The following DDO variants were observed in gnomAD, a reference collection of about 807,000 sequenced individuals.
The protein encoded by DDO is D-aspartate oxidase, DDO.
A neutral mutation model predicts 16.8 loss-of-function variants in DDO; 16 were observed. The ratio of observed to expected loss-of-function variants is 0.95; its 90% CI spans 0.65 to 1.45. The LOEUF is 1.45. DDO is among the 40% of genes most tolerant of loss of function. The probability of loss-of-function intolerance (pLI) is 0.00; values close to 1 mark genes in which losing one functional copy is unlikely to be tolerated. For synonymous variants in DDO, 180 were observed against 167.2 expected, an observed-to-expected ratio of 1.08 and a Z score of -0.59; for missense variants, 429 against 420.3, an observed-to-expected ratio of 1.02 and a Z score of -0.18.
rs1194679706 is a variant in DDO, at chr6:110,396,041, AAGAG to A, written c.459-2703_459-2700del. Reference sequence around the variant, plus strand: ...AAGACACCAACTCAAAAAAGAAAGAAAGAGAGAAAGAGAGAGAATGCCTCACGTT... The same window carrying A: ...AAGACACCAACTCAAAAAAGAAAGAAAGAAAGAGAGAGAATGCCTCACGTT... On this transcript the variant is annotated intron_variant, in intron 4 of 4. Transcript: ENST00000368924. Among the ~76,000 whole-genome samples, 23 of 152,310 alleles carry A rather than the reference AAGAG, an allele frequency of 1.5e-4. 1 individual carries two copies. The Middle Eastern group carries it at 0.024, about 159-fold the overall frequency.
intron 1 of DDO, among the ~76,000 whole-genome samples, chr6:110,415,260 A>G (rs1458514138): frequency 6.6e-6 from 1 of 152,216 alleles, no homozygotes; most frequent in Non-Finnish European, 1.5e-5. Context: ...AACTCTCTCA[A>G]AACAGCTCTA....
intron 2 of DDO, 25 bp from the exon 3 acceptor site, chr6:110,408,467 T>C (rs772068808): frequency 3.1e-6 from 5 of 1,600,946 alleles, no homozygotes; most frequent in South Asian, 1.1e-5. Context: ...AAAAGCAAAG[T>C]GGAACAGAAA....
chr6:110,396,053 G>A (rs1053954297), intron 4 of DDO, among the ~76,000 whole-genome samples: 1 of 152,178 alleles, frequency 6.6e-6, no homozygotes, highest in African/African-American at 2.4e-5. Flanking sequence ...GAGAGAAAGA[G>A]AGAGAATGCC....
chr6:110,399,378 T>TC (rs1773396942), intron 4 of DDO, among the ~76,000 whole-genome samples: 1 of 152,224 alleles, frequency 6.6e-6, no homozygotes, highest in Non-Finnish European at 1.5e-5. Flanking sequence ...GGCTGAACAC[T>TC]CACATTGTGT....
At position 110,406,140 on chromosome 6, in the gene DDO, A is replaced by G. The variant is rs78322414; in HGVS notation, c.282-1190T>C. The stretch of plus-strand genomic sequence containing the variant: ...ATGACCTACAGGCCAGACACTTAGA[A>G]GGCTACATTTCCAGTCCTGAGCACT... On this transcript the variant is annotated intron_variant, in intron 3 of 4. Coordinates refer to ENST00000368924, the MANE Select transcript of DDO (RefSeq NM_001372108.2). Among the ~76,000 whole-genome samples the G allele has an allele frequency of 7.8e-3, 1,192 of 152,236 alleles. 12 individuals carry two copies. Among genetic ancestry groups the G allele is most frequent in the South Asian group, 0.021 (101 of 4,818 alleles).
chr6:110,399,810 G>T (rs1773415410), intron 4 of DDO, among the ~76,000 whole-genome samples: 1 of 152,212 alleles, frequency 6.6e-6, no homozygotes, highest in African/African-American at 2.4e-5. Context: ...AAGTCTTCCC[G>T]CCGCAGCACA....
At chr6:110,400,236 C>T (rs1773434465) in intron 4 of DDO, among the ~76,000 whole-genome samples, 1 of 152,178 alleles carries the variant, frequency 6.6e-6, no homozygotes, top group Non-Finnish European at 1.5e-5. Flanking sequence ...AGGAAGAAGA[C>T]ATTGTTCAGA....
intron 4 of DDO, among the ~76,000 whole-genome samples, chr6:110,401,985 A>G (rs901014527): frequency 9.2e-5 from 14 of 152,228 alleles, no homozygotes; most frequent in African/African-American, 3.4e-4. Flanking sequence ...ATTCAACATT[A>G]CTTCTATGCA....
intron 4 of DDO, among the ~76,000 whole-genome samples, chr6:110,396,256 C>T (rs1351055335): frequency 6.6e-6 from 1 of 152,146 alleles, no homozygotes; most frequent in African/African-American, 2.4e-5. Flanking sequence ...CTTCACACTC[C>T]CTCCCTCTGC....
chr6:110,408,341 C>A lies in DDO; in HGVS notation c.274G>T (p.Val92Leu), dbSNP rs1773726987. ...AEAGDAGVHL[V>L]SGWQIFQSTP... ...TCAAATTTCTTCACTTACCCTGATA[C>A]CAAATGAACACCAGCATCTCCAGCT... The change falls in exon 3 of 5, where the codon GTA becomes TTA. Residue 92 changes from valine (V) to leucine (L), a missense_variant. By Grantham distance (32) the Val-to-Leu change is conservative. Transcript: ENST00000368924. 13 of 1,613,840 alleles carry A rather than the reference C, an allele frequency of 8.1e-6. No homozygotes were observed. Among genetic ancestry groups the A allele is most frequent in the Non-Finnish European group, 1.0e-5 (12 of 1,179,924 alleles).
chr6:110,415,413 A>T, intron 1 of DDO, 54 bp downstream of exon 1: 1 of 1,607,326 alleles, frequency 6.2e-7, no homozygotes, highest in South Asian at 1.1e-5. Flanking sequence ...ACACTCCCAA[A>T]CTCCCAGAGC....
chr6:110,393,530 T>C (rs144761160), intron 4 of DDO, among the ~76,000 whole-genome samples, 188 bp from the exon 5 acceptor site: 6 of 152,300 alleles, frequency 3.9e-5, no homozygotes, highest in Non-Finnish European at 7.3e-5. Context: ...GAACTGGGGA[T>C]TTCTAAAGTT....
At chr6:110,389,213 G>A (rs1165160461), downstream of DDO, among the ~76,000 whole-genome samples, 5 of 152,182 alleles carry the variant, frequency 3.3e-5, no homozygotes, top group African/African-American at 1.2e-4. Context: ...CCTGTCCCTG[G>A]ATTTCAGCAC....
intron 4 of DDO, among the ~76,000 whole-genome samples, chr6:110,401,104 C>T (rs1773472442): frequency 6.6e-6 from 1 of 152,196 alleles, no homozygotes; most frequent in South Asian, 2.1e-4. Context: ...ATGGATAGAG[C>T]GAGGGTGCTT....
intron 4 of DDO, among the ~76,000 whole-genome samples, chr6:110,400,690 T>C (rs1773457981): frequency 6.6e-6 from 1 of 152,258 alleles, no homozygotes; most frequent in Non-Finnish European, 1.5e-5. Context: ...TTCTAGACTT[T>C]AGAGCCAATG....
rs749210989 is a variant in DDO at position 110,408,462 on chromosome 6, C to G, written c.173-20G>C. 8.7e-6 allele frequency: 14 copies of G among 1,600,096 alleles called. No homozygotes were observed. The Admixed American group carries it at 1.0e-4, about 12-fold the overall frequency. On this transcript the variant is annotated intron_variant, in intron 2 of 4. Transcript: ENST00000368924. ...GTGTATCTGTAATCATGGAGAAAAGCAAAGTGGAACAGAAAGGAAAATGAT... is the reference window on the plus strand; with the variant it reads ...GTGTATCTGTAATCATGGAGAAAAGGAAAGTGGAACAGAAAGGAAAATGAT...
At chr6:110,402,434 A>C (rs1320940238) in intron 4 of DDO, among the ~76,000 whole-genome samples, 2 of 151,664 alleles carry the variant, frequency 1.3e-5, no homozygotes, top group Non-Finnish European at 2.9e-5. Context: ...GGAGGCCGAG[A>C]CGGGTGGATC....
intron 4 of DDO, among the ~76,000 whole-genome samples, chr6:110,397,193 T>C (rs1186648869): frequency 6.6e-6 from 1 of 152,196 alleles, no homozygotes; most frequent in African/African-American, 2.4e-5. Flanking sequence ...TAACACACTA[T>C]AGCTGCTCAA....
chr6:110,408,627 T>C (rs934237175), intron 2 of DDO, among the ~76,000 whole-genome samples, 185 bp from the exon 3 acceptor site: 7 of 152,204 alleles, frequency 4.6e-5, no homozygotes, highest in Non-Finnish European at 1.0e-4. Flanking sequence ...CAACAAGAGA[T>C]TTGCATGTTG....
Sources: gnomAD v4.1 joint callset for allele counts (sites outside exome capture counted in the v4.1 genomes callset) on GRCh38, gnomAD v4.1.1 for gene constraint, MANE v1.5 for transcripts, NCBI Gene and HGNC (gene_info 2026-07-23, HGNC 2026-07-21) for gene names.